Variants in MASP1 observed in about 807,000 individuals in gnomAD.
MASP1 encodes mannan-binding lectin serine protease 1.
Under a neutral mutation model 77.1 loss-of-function variants are expected in MASP1, and 59 were observed. That is an observed-to-expected ratio of 0.77 (90% CI 0.62 to 0.95). The LOEUF (loss-of-function observed/expected upper bound fraction) is 0.95, where lower values mean the gene tolerates loss of function less well. MASP1 is among the 40% of genes least tolerant of loss of function. MASP1 has a pLI of 0.00. For missense variants in MASP1, 885 were observed against 912.9 expected, an observed-to-expected ratio of 0.97 and a Z score of 0.39; for synonymous variants, 362 against 354.5, an observed-to-expected ratio of 1.02 and a Z score of -0.24.
chr3:187,262,462 C>T (rs72549157), intron 3 of MASP1, 81 bp downstream of exon 3: 61 of 1,378,926 alleles, frequency 4.4e-5, no homozygotes, highest in African/African-American at 7.1e-5. Context: ...AGATTTCCAT[C>T]GTAAAGGAGA....
At chr3:187,262,022 G>T (rs1453370769) in intron 3 of MASP1, among the ~76,000 whole-genome samples, 1 of 152,130 alleles carries the variant, frequency 6.6e-6, no homozygotes, top group Non-Finnish European at 1.5e-5. Context: ...GAAGAGGCAA[G>T]AACTAATCTA....
intron 2 of MASP1, among the ~76,000 whole-genome samples, chr3:187,266,383 G>C (rs111690901): frequency 2.6e-5 from 4 of 152,174 alleles, no homozygotes; most frequent in African/African-American, 9.7e-5. Flanking sequence ...AATAAGATAA[G>C]TACTCAAAGG....
chr3:187,223,211 A>G, intron 13 of MASP1: 1 of 1,610,848 alleles, frequency 6.2e-7, no homozygotes, highest in Non-Finnish European at 8.5e-7. Context: ...GAGAGAAGAT[A>G]CTGTGAGAAC....
chr3:187,242,131 T>C (rs182590312), intron 9 of MASP1: 273 of 154,886 alleles, frequency 1.8e-3, no homozygotes, highest in Middle Eastern at 3.4e-3. Flanking sequence ...TTTGACAGAC[T>C]CTTTAATAAG....
chr3:187,225,266 G>T lies in MASP1; in HGVS notation c.1741+58C>A. 2.5e-6 allele frequency: 4 copies of T among 1,586,820 alleles called. No individual in the cohort carries two copies. The Admixed American group carries it at 6.7e-5, about 26-fold the overall frequency. On this transcript the variant is annotated intron_variant, in intron 13 of 15. Transcript: ENST00000337774. ...GGCACCAGAGCTTCACCAACGTGAA[G>T]ACGGACTCCTTGTGGAGGCACCAGC...
At chr3:187,236,628 C>G in intron 10 of MASP1, 61 bp from the exon 11 acceptor site, 2 of 1,612,310 alleles carry the variant, frequency 1.2e-6, no homozygotes, top group Non-Finnish European at 1.7e-6. Flanking sequence ...AGCCATGTGA[C>G]AGGAGCCACA....
rs774169327 is a variant in MASP1, at chr3:187,291,694, A to G, written c.-62T>C. On this transcript the variant is annotated 5_prime_UTR_variant, in exon 1 of 11. Transcript: ENST00000296280. ...GTCCTCCCAGCTTGACTTGCCTGTG[A>G]GCTCGTGCCCGGTGTGGTGTCCGTG... is the stretch of plus-strand genomic sequence containing the variant. 5 of 1,608,954 alleles carry G rather than the reference A, an allele frequency of 3.1e-6. No individual in the cohort carries two copies. In the Admixed American group the frequency reaches 6.7e-5, roughly 21 times the overall value.
intron 15 of MASP1, chr3:187,221,013 G>A (rs1712028513): frequency 6.3e-7 from 1 of 1,595,222 alleles, no homozygotes; most frequent in African/African-American, 1.3e-5. Context: ...CGCCCCTGTT[G>A]TATGCCAGCC....
intron 12 of MASP1, chr3:187,226,286 G>T: frequency 1.3e-6 from 1 of 757,550 alleles, no homozygotes; most frequent in South Asian, 1.5e-5. Flanking sequence ...TCCATCCCAG[G>T]TGTCCTGCCC....
At chr3:187,276,107 C>CT (rs397802407) in intron 2 of MASP1, among the ~76,000 whole-genome samples, 54 of 144,376 alleles carry the variant, frequency 3.7e-4, no homozygotes, top group African/African-American at 1.4e-3. Flanking sequence ...AAGTGCCCCC[C>CT]AGGGTAGCCC....
At chr3:187,220,583 T>C (rs1386860396) in intron 15 of MASP1, among the ~76,000 whole-genome samples, 1 of 144,888 alleles carries the variant, frequency 6.9e-6, no homozygotes, top group Non-Finnish European at 1.5e-5. Flanking sequence ...CAGCAACCTC[T>C]ACCTCCTGGG....
At chr3:187,241,576 A>G (rs756691450) in intron 9 of MASP1, 21 bp from the exon 10 acceptor site, 1 of 1,519,140 alleles carries the variant, frequency 6.6e-7, no homozygotes, top group Non-Finnish European at 9.1e-7. Flanking sequence ...GAAAGAGGTT[A>G]GGAGAGGAGG....
At chr3:187,291,224 A>G (rs1718301873) in intron 1 of MASP1, 3 of 322,616 alleles carry the variant, frequency 9.3e-6, no homozygotes, top group Non-Finnish European at 1.8e-5. Flanking sequence ...GAATGAACAC[A>G]CAAACACATA....
chr3:187,246,905 T>G, intron 8 of MASP1: 1 of 1,048,326 alleles, frequency 9.5e-7, no homozygotes, highest in South Asian at 3.4e-5. Flanking sequence ...ACCTTCAGAT[T>G]CATAAAGTCA....
intron 8 of MASP1, 41 bp from the exon 9 acceptor site, chr3:187,243,662 C>G: frequency 6.2e-7 from 1 of 1,613,066 alleles, no homozygotes; most frequent in Non-Finnish European, 8.5e-7. Flanking sequence ...GCCTTTTGCT[C>G]ATCCTCCTTT....
chr3:187,220,496 C>CTTTTTTTTTTTTTTTTTTTTTTTTTTT (rs376566294), intron 15 of MASP1, among the ~76,000 whole-genome samples: 3 of 127,766 alleles, frequency 2.3e-5, no homozygotes, highest in African/African-American at 6.1e-5. Flanking sequence ...TTTTTTCTTT[C>CTTTTTTTTTTTTTTTTTTTTTTTTTTT]TTTTTTTTTT....
chr3:187,268,127 G>T (rs987651027), intron 2 of MASP1, among the ~76,000 whole-genome samples: 1 of 152,192 alleles, frequency 6.6e-6, no homozygotes, highest in African/African-American at 2.4e-5. Context: ...CAGACCACTT[G>T]AATAATGCAA....
At chr3:187,268,549 T>TAGAAAAGAAAAGAAAAGAAAATAGAAA (rs1716245970) in intron 2 of MASP1, among the ~76,000 whole-genome samples, 1 of 137,348 alleles carries the variant, frequency 7.3e-6, no homozygotes, top group Non-Finnish European at 1.5e-5. Context: ...GAAAAGAAAA[T>TAGAAAAGAAAAGAAAAGAAAATAGAAA]AGAAAAGAAA....
chr3:187,262,235 C>T (rs1715642857), intron 3 of MASP1, among the ~76,000 whole-genome samples: 1 of 152,022 alleles, frequency 6.6e-6, no homozygotes, highest in Non-Finnish European at 1.5e-5. Flanking sequence ...GTCAATTTTA[C>T]ACAAAAAGAA....
Sources: gnomAD v4.1 joint callset for allele counts (sites outside exome capture counted in the v4.1 genomes callset) on GRCh38, gnomAD v4.1.1 for gene constraint, MANE v1.5 for transcripts, NCBI Gene and HGNC (gene_info 2026-07-23, HGNC 2026-07-21) for gene names.